DLG2: variants seen among roughly 807,000 people sequenced by gnomAD.
DLG2 encodes disks large homolog 2.
In DLG2, 45 loss-of-function variants were observed where a neutral mutation model predicts 132.5. That is an observed-to-expected ratio of 0.34 (90% CI 0.27 to 0.44). The LOEUF is 0.44. Among genes scored for constraint, DLG2 ranks in the 20% least tolerant of loss-of-function variants. The pLI is 1.00. For missense variants in DLG2, 1,045 were observed against 1,196.9 expected (o/e 0.87, Z 1.87); for synonymous variants, 424 against 419.6 (o/e 1.01, Z -0.13).
At chr11:85,586,463 A>G (rs186646012) in intron 3 of DLG2, among the ~76,000 whole-genome samples, 103 of 152,228 alleles carry the variant, frequency 6.8e-4, no homozygotes, top group Admixed American at 4.5e-3. Context: ...GAATTTATCC[A>G]TCTCCTCTAC....
At chr11:84,111,407 CTG>C (rs576927539) in intron 9 of DLG2, among the ~76,000 whole-genome samples, 235 of 152,316 alleles carry the variant, frequency 1.5e-3, no homozygotes, top group Non-Finnish European at 2.5e-3. Flanking sequence ...ACTATTCACA[CTG>C]TGTCTCTCTT....
At chr11:83,765,000 T>G (rs1266048372) in intron 18 of DLG2, among the ~76,000 whole-genome samples, 5 of 152,218 alleles carry the variant, frequency 3.3e-5, no homozygotes, top group Non-Finnish European at 5.9e-5. Flanking sequence ...GATCCATGTT[T>G]TTAGAAATAC....
intron 6 of DLG2, among the ~76,000 whole-genome samples, chr11:84,899,291 T>C (rs1370468619): frequency 6.6e-6 from 1 of 152,078 alleles, no homozygotes; most frequent in East Asian, 1.9e-4. Flanking sequence ...AAGGCAAAGT[T>C]TGATCTGCTA....
chr11:85,125,889 G>C lies in DLG2; in HGVS notation c.283-14154C>G, dbSNP rs77784468. Among the ~76,000 whole-genome samples the C allele has an allele frequency of 9.8e-3, 1,483 of 151,646 alleles. 20 individuals are homozygous for C. Among genetic ancestry groups the C allele is most frequent in the African/African-American group, 0.033 (1,345 of 41,302 alleles). The stretch of plus-strand genomic sequence containing the variant: ...CCTTTCCTTATGGAGTTTCTGTCTA[G>C]TCAAAAGAAAGACAAAATAATCACA... On this transcript the variant is annotated intron_variant, in intron 5 of 27. Transcript: ENST00000376104.
chr11:84,690,036 A>C (rs115241989), intron 6 of DLG2, among the ~76,000 whole-genome samples: 82 of 152,112 alleles, frequency 5.4e-4, no homozygotes, highest in African/African-American at 2.0e-3. Context: ...GTATGATCTC[A>C]CTTATATGTG....
At chr11:84,993,303 C>T (rs896513351) in intron 6 of DLG2, among the ~76,000 whole-genome samples, 5 of 152,128 alleles carry the variant, frequency 3.3e-5, no homozygotes, top group Non-Finnish European at 5.9e-5. Context: ...AGAACACTAC[C>T]TAATGCATGC....
At chr11:85,599,154 C>T (rs559106124) in intron 2 of DLG2, among the ~76,000 whole-genome samples, 2 of 152,238 alleles carry the variant, frequency 1.3e-5, no homozygotes, top group South Asian at 4.1e-4. Flanking sequence ...AGGCCTCCCT[C>T]CCATGATCAA....
chr11:84,541,809 C>T (rs575950284), intron 6 of DLG2, among the ~76,000 whole-genome samples: 2 of 152,078 alleles, frequency 1.3e-5, no homozygotes, highest in Non-Finnish European at 2.9e-5. Flanking sequence ...CTACCACAGT[C>T]CCCCCTACAC....
chr11:84,201,825 T>C (rs1240064871), intron 8 of DLG2, among the ~76,000 whole-genome samples: 3 of 123,946 alleles, frequency 2.4e-5, no homozygotes, highest in Admixed American at 8.3e-5. Context: ...TTTTTTTTTT[T>C]TTTTTTTTTT....
chr11:85,043,892 C>T (rs2062079987), intron 6 of DLG2, among the ~76,000 whole-genome samples: 1 of 151,924 alleles, frequency 6.6e-6, no homozygotes, highest in South Asian at 2.1e-4. Flanking sequence ...TCCACACTGT[C>T]ATAAACCAAT....
chr11:84,151,465 T>C (rs115408183), intron 9 of DLG2, among the ~76,000 whole-genome samples: 2,558 of 152,274 alleles, frequency 0.017, 74 homozygotes, highest in African/African-American at 0.058. Flanking sequence ...TGGCTAGTGG[T>C]CTATAAATCT....
At chr11:84,451,145 G>A (rs2099050456) in intron 7 of DLG2, among the ~76,000 whole-genome samples, 2 of 151,956 alleles carry the variant, frequency 1.3e-5, no homozygotes, top group South Asian at 4.1e-4. Flanking sequence ...TCTGTAAGAC[G>A]AAGGAAAAAT....
intron 7 of DLG2, among the ~76,000 whole-genome samples, chr11:84,445,320 T>C (rs2099030288): frequency 6.6e-6 from 1 of 152,168 alleles, no homozygotes; most frequent in Non-Finnish European, 1.5e-5. Context: ...TCTGCAAAAA[T>C]CAATGATGTT....
At chr11:84,613,938 C>T (rs138824924) in intron 6 of DLG2, among the ~76,000 whole-genome samples, 14 of 152,210 alleles carry the variant, frequency 9.2e-5, no homozygotes, top group African/African-American at 3.1e-4. Context: ...TCCTCTCTTT[C>T]ATATTTGTAA....
At chr11:84,849,534 G>A (rs567133377) in intron 6 of DLG2, among the ~76,000 whole-genome samples, 149 of 151,724 alleles carry the variant, frequency 9.8e-4, no homozygotes, top group Non-Finnish European at 1.8e-3. Flanking sequence ...ACAAGGTGTT[G>A]TTGTTGCTGT....
chr11:83,680,773 C>G (rs1338123549), intron 18 of DLG2, among the ~76,000 whole-genome samples: 1 of 152,030 alleles, frequency 6.6e-6, no homozygotes, highest in African/African-American at 2.4e-5. Context: ...TTGGTATAAT[C>G]AGAAAGTATA....
chr11:85,206,026 G>A (rs1328614522), intron 4 of DLG2, among the ~76,000 whole-genome samples: 1 of 152,144 alleles, frequency 6.6e-6, no homozygotes, highest in African/African-American at 2.4e-5. Flanking sequence ...GTGGGGACGG[G>A]TGGGAGGTGA....
At chr11:85,236,061 A>G (rs183332947) in intron 4 of DLG2, among the ~76,000 whole-genome samples, 53 of 151,966 alleles carry the variant, frequency 3.5e-4, no homozygotes, top group Middle Eastern at 3.4e-3. Flanking sequence ...TGGCTTACTA[A>G]AAAAAGTTAA....
At chr11:85,084,443 C>T (rs1243889449) in intron 6 of DLG2, among the ~76,000 whole-genome samples, 1 of 152,062 alleles carries the variant, frequency 6.6e-6, no homozygotes, top group Non-Finnish European at 1.5e-5. Flanking sequence ...CTGTTGAGAG[C>T]AAGAGTGTAG....
Sources: gnomAD v4.1 joint callset for allele counts (sites outside exome capture counted in the v4.1 genomes callset) on GRCh38, gnomAD v4.1.1 for gene constraint, MANE v1.5 for transcripts, NCBI Gene and HGNC (gene_info 2026-07-23, HGNC 2026-07-21) for gene names.